The following DDX31 variants were observed in gnomAD, a reference collection of about 807,000 sequenced individuals.
DDX31 encodes the protein DEAD-box helicase 31, also known as ATP-dependent DNA helicase DDX31.
Under a neutral mutation model 91.3 loss-of-function variants are expected in DDX31, and 70 were observed. The ratio of observed to expected loss-of-function variants is 0.77; its 90% CI spans 0.63 to 0.94. The LOEUF (loss-of-function observed/expected upper bound fraction) is 0.94, where lower values mean the gene tolerates loss of function less well. Ranked by LOEUF, DDX31 falls within the 40% of genes least tolerant of loss-of-function variation. The pLI, the probability that DDX31 is intolerant of heterozygous loss-of-function variation, is 0.00. For synonymous variants in DDX31, 362 were observed against 350.6 expected, an observed-to-expected ratio of 1.03 and a Z score of -0.36; for missense variants, 902 against 925.0, an observed-to-expected ratio of 0.98 and a Z score of 0.32.
intron 19 of DDX31, among the ~76,000 whole-genome samples, chr9:132,608,654 C>T (rs1466586256): frequency 2.0e-5 from 3 of 152,114 alleles, no homozygotes; most frequent in South Asian, 2.1e-4. Flanking sequence ...CAGTAAACAC[C>T]GTAAAATGGA....
chr9:132,638,408 G>A lies in DDX31; in HGVS notation c.1440+3596C>T, dbSNP rs1272031527. The A allele has an allele frequency of 2.5e-6, 4 of 1,613,738 alleles. No individual in the cohort carries two copies. The Admixed American group carries it at 5.0e-5, about 20-fold the overall frequency. On this transcript the variant is annotated intron_variant, in intron 14 of 19. Transcript: ENST00000372159. ...ACATTTTGCAGATAATCCAGTGTCTGATATCTGATCCCTTTGATTGCTTAA... is the reference window on the plus strand; with the variant it reads ...ACATTTTGCAGATAATCCAGTGTCTAATATCTGATCCCTTTGATTGCTTAA...
intron 19 of DDX31, among the ~76,000 whole-genome samples, chr9:132,609,683 G>A (rs562956963): frequency 3.3e-5 from 5 of 152,032 alleles, no homozygotes; most frequent in Admixed American, 6.5e-5. Flanking sequence ...GTGCAGTGGC[G>A]CGATCTCGGC....
At chr9:132,638,143 G>A in intron 14 of DDX31, 4 of 1,386,044 alleles carry the variant, frequency 2.9e-6, no homozygotes, top group Non-Finnish European at 3.7e-6. Context: ...AGGGCGGGCT[G>A]CAGGTATCTT....
At chr9:132,642,834 ATTT>A (rs764596713) in intron 13 of DDX31, among the ~76,000 whole-genome samples, 19 of 142,548 alleles carry the variant, frequency 1.3e-4, no homozygotes, top group African/African-American at 4.6e-4. Flanking sequence ...GTTGTCTCTG[ATTT>A]TTTTTTTTTT....
chr9:132,619,218 G>A (rs543568680), intron 17 of DDX31, among the ~76,000 whole-genome samples: 1 of 152,188 alleles, frequency 6.6e-6, no homozygotes, highest in South Asian at 2.1e-4. Flanking sequence ...AAATATCCCC[G>A]CTAAAAACTA....
intron 14 of DDX31, chr9:132,638,215 A>C: frequency 2.0e-6 from 3 of 1,529,294 alleles, no homozygotes; most frequent in South Asian, 1.3e-5. Context: ...GCCACCGGAG[A>C]CCAACAGAAA....
At chr9:132,600,742 C>T (rs1830681577) in intron 19 of DDX31, among the ~76,000 whole-genome samples, 1 of 152,200 alleles carries the variant, frequency 6.6e-6, no homozygotes, top group African/African-American at 2.4e-5. Context: ...TAAGCAGGAA[C>T]TTCAGATGGC....
chr9:132,608,809 A>G (rs1193400619), intron 19 of DDX31, among the ~76,000 whole-genome samples: 1 of 152,190 alleles, frequency 6.6e-6, no homozygotes, highest in East Asian at 1.9e-4. Flanking sequence ...TAACTCAAGC[A>G]CTTTGTGGGG....
At chr9:132,630,433 C>A in intron 15 of DDX31, 30 bp from the exon 16 acceptor site, 1 of 1,569,496 alleles carries the variant, frequency 6.4e-7, no homozygotes, top group South Asian at 1.1e-5. Flanking sequence ...TGAAGGCATT[C>A]ATAGATCAAG....
At chr9:132,613,714 TAAATTCAGA>T (rs1831478214) in intron 18 of DDX31, among the ~76,000 whole-genome samples, 2 of 152,088 alleles carry the variant, frequency 1.3e-5, no homozygotes. Flanking sequence ...TAAATTAAAT[TAAATTCAGA>T]AAAGGGGGTC....
At chr9:132,600,073 T>C (rs1378319731) in intron 19 of DDX31, among the ~76,000 whole-genome samples, 1 of 152,220 alleles carries the variant, frequency 6.6e-6, no homozygotes, top group East Asian at 1.9e-4. Flanking sequence ...TCCGTATGCT[T>C]GTACACAGAG....
At chr9:132,622,305 T>C (rs778937862) in intron 17 of DDX31, among the ~76,000 whole-genome samples, 5 of 152,200 alleles carry the variant, frequency 3.3e-5, no homozygotes, top group South Asian at 2.1e-4. Context: ...CTCATGAAGT[T>C]AGAGCCACTC....
intron 17 of DDX31, among the ~76,000 whole-genome samples, chr9:132,620,288 G>C (rs1051248874): frequency 5.3e-5 from 8 of 152,030 alleles, no homozygotes; most frequent in African/African-American, 1.7e-4. Flanking sequence ...GAGACCTCAA[G>C]CTTAAGTGAC....
chr9:132,655,203 G>C (rs1331977290), intron 6 of DDX31, among the ~76,000 whole-genome samples: 1 of 152,126 alleles, frequency 6.6e-6, no homozygotes, highest in African/African-American at 2.4e-5. Flanking sequence ...CTTGTTTGTA[G>C]CAAAATACTG....
rs1275678116 is a variant in DDX31 at position 132,609,661 on chromosome 9, G to A, written c.1994+2426C>T. ...CTTTGAGACAGCGTCTCACTCTGTC[G>A]CCCAGGCTGGAGTGCAGTGGCGCGA... is the stretch of plus-strand genomic sequence containing the variant. On this transcript the variant is annotated intron_variant, in intron 19 of 19. Coordinates refer to ENST00000372159, the MANE Select transcript of DDX31 (RefSeq NM_022779.9). 3.3e-5 allele frequency among the ~76,000 whole-genome samples: 5 copies of A among 151,836 alleles called. 1 individual carries two copies. In the East Asian group the frequency reaches 7.7e-4, roughly 23 times the overall value.
At chr9:132,668,630 T>C (rs372705) in intron 1 of DDX31, among the ~76,000 whole-genome samples, 106,551 of 149,054 alleles carry the variant, frequency 0.71, 39,099 homozygotes, top group African/African-American at 0.9. Context: ...TGCAATGGCA[T>C]GATCTCGGCT....
chr9:132,631,595 C>T (rs1832722193), intron 15 of DDX31, among the ~76,000 whole-genome samples: 1 of 152,146 alleles, frequency 6.6e-6, no homozygotes, highest in Non-Finnish European at 1.5e-5. Flanking sequence ...ACACCTGTAC[C>T]CTCTGGCAAA....
intron 18 of DDX31, among the ~76,000 whole-genome samples, chr9:132,617,108 G>A (rs984672697): frequency 1.4e-4 from 21 of 152,198 alleles, no homozygotes; most frequent in African/African-American, 4.6e-4. Flanking sequence ...AAAGTCCTAC[G>A]TGATTCTGCC....
intron 8 of DDX31, 44 bp downstream of exon 8, chr9:132,651,031 A>C: frequency 6.4e-7 from 1 of 1,559,814 alleles, no homozygotes; most frequent in African/African-American, 1.4e-5. Flanking sequence ...ATCCTTCCTC[A>C]AAGTCAGCAA....
Sources: allele counts gnomAD v4.1 joint callset (sites outside exome capture counted in the v4.1 genomes callset), GRCh38; gene constraint gnomAD v4.1.1; transcripts MANE v1.5; gene names NCBI Gene and HGNC (gene_info 2026-07-23, HGNC 2026-07-21).